SNX29: variants seen among roughly 807,000 people sequenced by gnomAD.
SNX29 encodes the protein sorting nexin-29.
SNX29 carries 78 observed loss-of-function variants against 102.1 expected under a neutral mutation model. The ratio of observed to expected loss-of-function variants is 0.76; its 90% confidence interval spans 0.64 to 0.92. The LOEUF (loss-of-function observed/expected upper bound fraction) is 0.92. Among genes scored for constraint, SNX29 ranks in the 40% least tolerant of loss-of-function variants. The pLI is 0.00. For missense variants in SNX29, 1,280 were observed against 1,061.7 expected, an observed-to-expected ratio of 1.21 and a Z score of -2.86; for synonymous variants, 580 against 414.5, an observed-to-expected ratio of 1.40 and a Z score of -4.85.
chr16:12,403,650 G>T (rs1233965051), intron 18 of SNX29, 121 bp downstream of exon 18: 1 of 939,096 alleles, frequency 1.1e-6, no homozygotes, highest in East Asian at 2.6e-5. Context: ...TGGCCTTCCA[G>T]ACACCCACAT....
At chr16:12,553,574 T>C (rs909930169) in intron 20 of SNX29, among the ~76,000 whole-genome samples, 3 of 147,210 alleles carry the variant, frequency 2.0e-5, no homozygotes, top group Non-Finnish European at 3.0e-5. Context: ...CTGTGGGCTC[T>C]GAGGATGCTT....
At chr16:12,539,725 G>A (rs757768508) in intron 20 of SNX29, among the ~76,000 whole-genome samples, 34 of 152,314 alleles carry the variant, frequency 2.2e-4, no homozygotes, top group African/African-American at 7.7e-4. Flanking sequence ...TACTGTGGCT[G>A]TTCACAAGGA....
intron 13 of SNX29, among the ~76,000 whole-genome samples, chr16:12,184,239 C>G (rs1489288188): frequency 1.3e-5 from 2 of 152,168 alleles, no homozygotes. Flanking sequence ...ATTCACGGTT[C>G]CCTGATTGTT....
chr16:12,522,621 G>A (rs566519155), intron 19 of SNX29, among the ~76,000 whole-genome samples: 8 of 152,138 alleles, frequency 5.3e-5, no homozygotes, highest in Admixed American at 2.6e-4. Context: ...AAAGTATGTG[G>A]CACCTCCCGC....
At chr16:12,134,287 C>T (rs1042306830) in intron 13 of SNX29, among the ~76,000 whole-genome samples, 1 of 152,184 alleles carries the variant, frequency 6.6e-6, no homozygotes, top group Non-Finnish European at 1.5e-5. Flanking sequence ...AACAAATTAT[C>T]CTCAAACTTG....
chr16:11,978,370 T>A (rs1315766000), intron 1 of SNX29, among the ~76,000 whole-genome samples: 1 of 152,226 alleles, frequency 6.6e-6, no homozygotes, highest in Non-Finnish European at 1.5e-5. Context: ...CCCTGCCACA[T>A]AAACCTGTGT....
intron 8 of SNX29, among the ~76,000 whole-genome samples, chr16:12,056,463 G>T (rs983241116): frequency 6.6e-6 from 1 of 152,198 alleles, no homozygotes; most frequent in Non-Finnish European, 1.5e-5. Flanking sequence ...GGGATGGCCT[G>T]CTGAGTAATG....
chr16:12,485,994 T>G (rs566936183), intron 19 of SNX29, among the ~76,000 whole-genome samples: 2 of 152,316 alleles, frequency 1.3e-5, no homozygotes, highest in South Asian at 2.1e-4. Context: ...AACACACATT[T>G]ATTCTAGTAC....
intron 19 of SNX29, among the ~76,000 whole-genome samples, chr16:12,485,083 A>C (rs544298131): frequency 6.6e-6 from 1 of 152,358 alleles, no homozygotes; most frequent in Non-Finnish European, 1.5e-5. Flanking sequence ...CACATTCAAA[A>C]AATCTCAATT....
At chr16:12,209,733 G>C (rs2077134596) in intron 14 of SNX29, among the ~76,000 whole-genome samples, 2 of 152,168 alleles carry the variant, frequency 1.3e-5, no homozygotes, top group African/African-American at 4.8e-5. Context: ...AGCCCTCCTC[G>C]GTCAATAGCA....
intron 6 of SNX29, 61 bp downstream of exon 6, chr16:12,046,515 G>T: frequency 6.5e-7 from 1 of 1,538,776 alleles, no homozygotes; most frequent in Admixed American, 1.7e-5. Flanking sequence ...GGCTGCCTTG[G>T]GGCAGTTCCA....
rs571456003 is a variant in SNX29 at position 12,572,962 on chromosome 16, G to T, written c.*4333G>T. The T allele has an allele frequency of 3.3e-6, 2 of 614,342 alleles. No homozygotes were observed. Among genetic ancestry groups the T allele is most frequent in the South Asian group, 1.5e-4 (2 of 12,980 alleles). 38.1% of individuals were successfully genotyped at this position (614,342 alleles called of 1,614,324 possible). A position where few individuals can be genotyped will look rare whatever the true frequency, so the allele number is the denominator to read the frequency against. ...GCATCTGCTTATGAGCAAGGTCAAA[G>T]ATTTTTCAAAATATTGTGCATTAAT... On this transcript the variant is annotated 3_prime_UTR_variant, in exon 21 of 21. Coordinates refer to ENST00000566228, the MANE Select transcript of SNX29 (RefSeq NM_032167.5).
Position 12,048,435 on chromosome 16 carries a change from T to G in SNX29, c.563T>G (p.Phe188Cys). Residue 188 changes from phenylalanine (F) to cysteine (C), a missense_variant, in exon 7 of 21, where the codon TTT (phenylalanine) becomes TGT (cysteine). Physicochemically the swap from Phe to Cys is radical, Grantham distance 205. Transcript: ENST00000566228. The stretch of plus-strand genomic sequence containing the variant: ...AAGGATTTGAACGGGCAGAGTAAGT[T>G]TGCTCCCACCGTTTCAGACCTCTTA... Reference protein sequence around the residue: ...DNKDLNGQSKFAPTVSDLLKE... With the variant: ...DNKDLNGQSKCAPTVSDLLKE... The G allele has an allele frequency of 1.2e-6, 2 of 1,613,808 alleles. No homozygotes were observed. Among genetic ancestry groups the G allele is most frequent in the Non-Finnish European group, 1.7e-6 (2 of 1,179,848 alleles).
At chr16:12,466,941 C>G (rs923120023) in intron 18 of SNX29, among the ~76,000 whole-genome samples, 1 of 152,210 alleles carries the variant, frequency 6.6e-6, no homozygotes, top group African/African-American at 2.4e-5. Flanking sequence ...TACTCATAGA[C>G]TTTGTTTTAG....
At chr16:12,301,964 T>C (rs7206812) in intron 15 of SNX29, among the ~76,000 whole-genome samples, 3,026 of 152,280 alleles carry the variant, frequency 0.02, 123 homozygotes, top group African/African-American at 0.069. Context: ...GTTTAAAGAA[T>C]ATTGATCCTG....
intron 14 of SNX29, among the ~76,000 whole-genome samples, chr16:12,216,829 C>G (rs1424033960): frequency 1.3e-5 from 2 of 150,742 alleles, no homozygotes; most frequent in African/African-American, 4.9e-5. Flanking sequence ...TTCTCCATTT[C>G]TAGTGCTGAG....
At chr16:12,250,823 A>G (rs1234951577) in intron 14 of SNX29, among the ~76,000 whole-genome samples, 1 of 139,420 alleles carries the variant, frequency 7.2e-6, no homozygotes, top group East Asian at 2.0e-4. Context: ...CGGGTTTTCT[A>G]GAAGAGCGAC....
intron 20 of SNX29, among the ~76,000 whole-genome samples, chr16:12,553,935 C>T (rs552374901): frequency 6.6e-6 from 1 of 152,250 alleles, no homozygotes; most frequent in South Asian, 2.1e-4. Context: ...TCAAGCAATT[C>T]TCCTGCCTCA....
chr16:12,208,623 G>T (rs2077105261), intron 14 of SNX29, among the ~76,000 whole-genome samples: 1 of 152,106 alleles, frequency 6.6e-6, no homozygotes, highest in Non-Finnish European at 1.5e-5. Flanking sequence ...AGGGAGCCAT[G>T]ACTGTGCCAC....
Sources: gnomAD v4.1 joint callset for allele counts (sites outside exome capture counted in the v4.1 genomes callset) on GRCh38, gnomAD v4.1.1 for gene constraint, MANE v1.5 for transcripts, NCBI Gene and HGNC (gene_info 2026-07-23, HGNC 2026-07-21) for gene names.